Variants in NICOL1 observed in about 807,000 individuals in gnomAD.
The protein encoded by NICOL1 is NELL2 interacting cell ontogeny regulator 1, also known as NELL2-interacting cell ontogeny regulator 1.
chr4:2,042,321 C>A, the NICOL1 span: 1 of 621,556 alleles, frequency 1.6e-6, no homozygotes, highest in Non-Finnish European at 2.5e-6. Flanking sequence ...CCCTCGCTGG[C>A]TTCAGGGCGG....
At chr4:2,040,880 T>TCCGG in the NICOL1 span, among the ~76,000 whole-genome samples, 71 of 127,310 alleles carry the variant, frequency 5.6e-4, no homozygotes, top group Middle Eastern at 8.1e-3. Context: ...GACACCCGCG[T>TCCGG]CCGGCCGGGG....
At chr4:2,042,409 C>A in the NICOL1 span, 2 of 499,392 alleles carry the variant, frequency 4.0e-6, no homozygotes, top group Non-Finnish European at 7.0e-6. Flanking sequence ...GCCGCTGCTG[C>A]TGCTGCTGCT....
the NICOL1 span, chr4:2,042,860 C>T: frequency 7.1e-7 from 1 of 1,413,160 alleles, no homozygotes; most frequent in South Asian, 1.4e-5. Flanking sequence ...TCCCGGGCTT[C>T]CCAGGGGGTG....
the NICOL1 span, among the ~76,000 whole-genome samples, chr4:2,039,707 G>A: frequency 6.6e-6 from 1 of 152,014 alleles, no homozygotes; most frequent in Non-Finnish European, 1.5e-5. Flanking sequence ...GGGTGTGGTG[G>A]CACGCACCTG....
chr4:2,041,899 C>T, the NICOL1 span: 2 of 1,274,314 alleles, frequency 1.6e-6, no homozygotes, highest in African/African-American at 3.2e-5. Flanking sequence ...ATTCCTGGAG[C>T]GTCCTAGGTT....
At chr4:2,041,747 C>A in the NICOL1 span, 1 of 454,696 alleles carries the variant, frequency 2.2e-6, no homozygotes, top group South Asian at 4.4e-5. Context: ...TTTCCCACTT[C>A]CTCAGCTTTT....
At chr4:2,036,937 G>T in the NICOL1 span, among the ~76,000 whole-genome samples, 1 of 152,102 alleles carries the variant, frequency 6.6e-6, no homozygotes, top group African/African-American at 2.4e-5. Context: ...GTTGATGGCT[G>T]ATATGGTTTG....
chr4:2,037,608 T>G, the NICOL1 span, among the ~76,000 whole-genome samples: 1 of 152,214 alleles, frequency 6.6e-6, no homozygotes, highest in African/African-American at 2.4e-5. Context: ...CTTGACTTCT[T>G]CTAATATCTC....
the NICOL1 span, among the ~76,000 whole-genome samples, chr4:2,043,128 G>A: frequency 6.6e-6 from 1 of 152,204 alleles, no homozygotes; most frequent in Non-Finnish European, 1.5e-5. Context: ...CTGGACCCTG[G>A]GGAAGGACTG....
chr4:2,039,530 A>C, the NICOL1 span, among the ~76,000 whole-genome samples: 3 of 152,198 alleles, frequency 2.0e-5, no homozygotes, highest in Non-Finnish European at 4.4e-5. Flanking sequence ...GCTAGAAATT[A>C]AAATTACTAA....
At chr4:2,037,793 CAA>C in the NICOL1 span, among the ~76,000 whole-genome samples, 1 of 151,616 alleles carries the variant, frequency 6.6e-6, no homozygotes, top group South Asian at 2.1e-4. Flanking sequence ...AAAATTGAAA[CAA>C]ATTGCTGAAC....
the NICOL1 span, among the ~76,000 whole-genome samples, chr4:2,040,663 C>G: frequency 9.9e-5 from 15 of 152,282 alleles, no homozygotes; most frequent in Middle Eastern, 3.4e-3. Context: ...TCGGGAGGGC[C>G]GCTGCCTCCC....
the NICOL1 span, among the ~76,000 whole-genome samples, chr4:2,038,268 T>C: frequency 7.6e-6 from 1 of 131,808 alleles, no homozygotes. Context: ...TATATATATA[T>C]ATATATATAT....
the NICOL1 span, among the ~76,000 whole-genome samples, chr4:2,039,221 C>T: frequency 2.6e-5 from 4 of 152,050 alleles, no homozygotes; most frequent in Admixed American, 1.3e-4. Flanking sequence ...CAAGACCAGC[C>T]TGGCCAACAT....
the NICOL1 span, among the ~76,000 whole-genome samples, chr4:2,038,237 G>GTGTGTATATATATATA: frequency 4.4e-5 from 4 of 91,464 alleles, no homozygotes; most frequent in African/African-American, 7.2e-5. Flanking sequence ...TGATCAGTGT[G>GTGTGTATATATATATA]TATATATATA....
chr4:2,043,944 G>A, the NICOL1 span: 1 of 1,536,328 alleles, frequency 6.5e-7, no homozygotes, highest in Non-Finnish European at 8.8e-7. Context: ...GCTGCTCCGT[G>A]TGAATAAATG....
the NICOL1 span, among the ~76,000 whole-genome samples, chr4:2,036,926 C>T: frequency 6.6e-6 from 1 of 152,074 alleles, no homozygotes; most frequent in South Asian, 2.1e-4. Context: ...TGGATGACCA[C>T]GTTGATGGCT....
At chr4:2,042,871 G>C in the NICOL1 span, 1 of 1,301,300 alleles carries the variant, frequency 7.7e-7, no homozygotes, top group Non-Finnish European at 1.0e-6. Flanking sequence ...CCAGGGGGTG[G>C]GGAGGGCAGG....
the NICOL1 span, among the ~76,000 whole-genome samples, chr4:2,040,224 A>G: frequency 6.6e-6 from 1 of 152,164 alleles, no homozygotes. Flanking sequence ...CTCCTGCCTC[A>G]GCCTCCCCAG....
Sources: allele counts gnomAD v4.1 joint callset (sites outside exome capture counted in the v4.1 genomes callset), GRCh38; gene constraint gnomAD v4.1.1; transcripts MANE v1.5; gene names NCBI Gene and HGNC (gene_info 2026-07-23, HGNC 2026-07-21).